The following GUCY1A2 variants were observed in gnomAD, a reference collection of about 807,000 sequenced individuals.
GUCY1A2 encodes guanylate cyclase soluble subunit alpha-2.
Under a neutral mutation model 63.5 loss-of-function variants are expected in GUCY1A2, and 27 were observed. That is an observed-to-expected ratio of 0.43 (90% confidence interval 0.31 to 0.59). The LOEUF (loss-of-function observed/expected upper bound fraction) is 0.59, where lower values mean the gene tolerates loss of function less well. Ranked by LOEUF, GUCY1A2 falls within the 20% of genes least tolerant of loss-of-function variation. GUCY1A2 has a pLI of 0.11. For synonymous variants in GUCY1A2, 364 were observed against 343.5 expected, an observed-to-expected ratio of 1.06 and a Z score of -0.66; for missense variants, 768 against 913.3, an observed-to-expected ratio of 0.84 and a Z score of 2.05.
chr11:107,000,601 G>A (rs761267884), intron 1 of GUCY1A2, among the ~76,000 whole-genome samples: 2 of 152,040 alleles, frequency 1.3e-5, no homozygotes, highest in Non-Finnish European at 2.9e-5. Flanking sequence ...CTAATGACAG[G>A]GTCATCTCTC....
chr11:106,965,549 G>T (rs1861116879), intron 3 of GUCY1A2, among the ~76,000 whole-genome samples: 2 of 152,134 alleles, frequency 1.3e-5, no homozygotes, highest in Non-Finnish European at 2.9e-5. Context: ...CTTCTCTTGG[G>T]ATGGCTCTCT....
rs7126017 is a variant in GUCY1A2 at position 106,726,251 on chromosome 11, C to T, written c.1837-17585G>A. Among the ~76,000 whole-genome samples the T allele has an allele frequency of 2.0e-5, 3 of 151,824 alleles. No homozygotes were observed. The South Asian group carries it at 6.2e-4, about 32-fold the overall frequency. On this transcript the variant is annotated intron_variant, in intron 6 of 7. Transcript: ENST00000526355. ...CCGACATGGTAAAACCTCGTCTCTA[C>T]TAAAAAACACAAAAATTAGCCAGTC...
chr11:106,680,208 G>A lies in GUCY1A2; in HGVS notation c.*7341C>T, dbSNP rs998137152. 44 of 213,060 alleles carry A rather than the reference G, an allele frequency of 2.1e-4. No homozygotes were observed. Among genetic ancestry groups the A allele is most frequent in the Non-Finnish European group, 4.0e-4 (42 of 105,390 alleles). The allele number at this position is 213,060 out of a possible 1,614,324, so 13.2% of individuals were successfully genotyped here. ...ATGCCAGGCAGCAGAATGCAAAGAA[G>A]TGTCTTCAGAAAGTGAGGTATGAAG... On this transcript the variant is annotated 3_prime_UTR_variant, in exon 8 of 8. Transcript: ENST00000526355.
At chr11:106,971,342 G>C (rs1015344611) in intron 3 of GUCY1A2, among the ~76,000 whole-genome samples, 8 of 152,006 alleles carry the variant, frequency 5.3e-5, no homozygotes, top group African/African-American at 1.9e-4. Context: ...TGGTGGGGTA[G>C]AAAGGTGCTT....
At chr11:106,763,544 T>G (rs777488547) in intron 6 of GUCY1A2, among the ~76,000 whole-genome samples, 4 of 152,148 alleles carry the variant, frequency 2.6e-5, no homozygotes, top group East Asian at 1.9e-4. Context: ...CTATTTGACA[T>G]AGCTTTCAGA....
chr11:106,815,989 T>C (rs936589160), intron 4 of GUCY1A2, among the ~76,000 whole-genome samples: 2 of 151,966 alleles, frequency 1.3e-5, no homozygotes, highest in Non-Finnish European at 2.9e-5. Flanking sequence ...CATGCAGGAC[T>C]ATGAAAGAAT....
chr11:106,994,420 A>G (rs1861509257), intron 1 of GUCY1A2, among the ~76,000 whole-genome samples: 1 of 152,236 alleles, frequency 6.6e-6, no homozygotes, highest in Non-Finnish European at 1.5e-5. Flanking sequence ...TCCCTGAAGT[A>G]TGAGTTATTT....
At chr11:106,848,331 CAT>C (rs1859305557) in intron 4 of GUCY1A2, among the ~76,000 whole-genome samples, 1 of 151,436 alleles carries the variant, frequency 6.6e-6, no homozygotes. Context: ...TTTTCAGAAA[CAT>C]ATACAGATAT....
In GUCY1A2 at chr11:107,008,215, G is replaced by T. The variant is rs141429635; in HGVS notation, c.303+9538C>A. Reference sequence around the variant, plus strand: ...AATCGCTGGAACCCGGTGGGCAGAGGCTGTGGTGAGCCAAGATTGTGCCAC... The same window carrying T: ...AATCGCTGGAACCCGGTGGGCAGAGTCTGTGGTGAGCCAAGATTGTGCCAC... On this transcript the variant is annotated intron_variant, in intron 1 of 7. Coordinates refer to ENST00000526355, the MANE Select transcript of GUCY1A2 (RefSeq NM_000855.3). Among the ~76,000 whole-genome samples, 645 of 142,416 alleles carry T rather than the reference G, an allele frequency of 4.5e-3. 9 individuals are homozygous for T. The highest frequency in any genetic ancestry group is 0.015 in the African/African-American group (594 of 40,550). The allele number at this position is 142,416 out of a possible 152,430, so 93.4% of individuals were successfully genotyped here.
chr11:106,870,811 T>C (rs561818268), intron 4 of GUCY1A2, among the ~76,000 whole-genome samples: 9 of 152,292 alleles, frequency 5.9e-5, no homozygotes, highest in African/African-American at 2.2e-4. Context: ...TTTGTTTTAA[T>C]TAATTGATGT....
chr11:107,000,926 A>G (rs1861605107), intron 1 of GUCY1A2, among the ~76,000 whole-genome samples: 1 of 152,226 alleles, frequency 6.6e-6, no homozygotes, highest in Non-Finnish European at 1.5e-5. Context: ...CAGAGTGACC[A>G]TGCACTGAGA....
chr11:106,735,055 G>A (rs1487904), intron 6 of GUCY1A2, among the ~76,000 whole-genome samples: 89,298 of 151,638 alleles, frequency 0.59, 26,633 homozygotes, highest in East Asian at 0.86. Context: ...TAAGTATTTC[G>A]ATACAGGCAT....
intron 1 of GUCY1A2, among the ~76,000 whole-genome samples, chr11:107,016,239 A>G (rs1247779552): frequency 6.6e-6 from 1 of 152,252 alleles, no homozygotes; most frequent in East Asian, 1.9e-4. Flanking sequence ...AAACTTTAAA[A>G]AAGTAAAAGT....
intron 4 of GUCY1A2, among the ~76,000 whole-genome samples, chr11:106,879,283 G>A (rs543497655): frequency 1.3e-4 from 20 of 152,170 alleles, no homozygotes; most frequent in African/African-American, 4.3e-4. Context: ...CAAAGTAATT[G>A]CCCAGTACCT....
rs111725047 is a variant in GUCY1A2, at chr11:106,790,901, C to T, written c.1693-14319G>A. On this transcript the variant is annotated intron_variant, in intron 5 of 7. Transcript: ENST00000526355. ...TACTTTTCCCTCTCTTCTCCTTAAGCGAAAGGAAGAAGTCTCTTTTGGAGA... is the reference window on the plus strand; with the variant it reads ...TACTTTTCCCTCTCTTCTCCTTAAGTGAAAGGAAGAAGTCTCTTTTGGAGA... Among the ~76,000 whole-genome samples the T allele has an allele frequency of 1.5e-3, 224 of 152,256 alleles. 1 individual carries two copies. The highest frequency in any genetic ancestry group is 5.1e-3 in the African/African-American group (210 of 41,546).
chr11:106,902,071 G>T (rs529578581), intron 4 of GUCY1A2, among the ~76,000 whole-genome samples: 5 of 152,280 alleles, frequency 3.3e-5, no homozygotes, highest in African/African-American at 1.2e-4. Context: ...AGACTTGAAA[G>T]TTGAAATAAC....
intron 3 of GUCY1A2, among the ~76,000 whole-genome samples, chr11:106,953,293 G>T (rs1397431613): frequency 6.6e-6 from 1 of 152,070 alleles, no homozygotes; most frequent in Admixed American, 6.5e-5. Flanking sequence ...TGTGCTTTTT[G>T]TCTTTGGTTC....
chr11:107,001,618 T>C (rs1243696527), intron 1 of GUCY1A2, among the ~76,000 whole-genome samples: 1 of 152,214 alleles, frequency 6.6e-6, no homozygotes, highest in Non-Finnish European at 1.5e-5. Context: ...TGTTGTTGAT[T>C]TTATTTTTCT....
At chr11:106,738,896 A>G (rs1404791932) in intron 6 of GUCY1A2, among the ~76,000 whole-genome samples, 1 of 152,072 alleles carries the variant, frequency 6.6e-6, no homozygotes, top group African/African-American at 2.4e-5. Flanking sequence ...GTTCCATATG[A>G]AATTTAAAGT....
Sources: allele counts gnomAD v4.1 joint callset (sites outside exome capture counted in the v4.1 genomes callset), GRCh38; gene constraint gnomAD v4.1.1; transcripts MANE v1.5; gene names NCBI Gene and HGNC (gene_info 2026-07-23, HGNC 2026-07-21).